The following BNIP5 variants were observed in gnomAD, a reference collection of about 807,000 sequenced individuals.
The protein encoded by BNIP5 is BCL2 interacting protein 5.
A neutral mutation model predicts 67.3 loss-of-function variants in BNIP5; 61 were observed. That is an observed-to-expected ratio of 0.91 (90% confidence interval 0.74 to 1.12). The LOEUF (loss-of-function observed/expected upper bound fraction) is 1.12, where lower values mean the gene tolerates loss of function less well. Ranked by LOEUF, BNIP5 falls within the 50% of genes most tolerant of loss-of-function variation. BNIP5 has a pLI of 0.00. For synonymous variants in BNIP5, 317 were observed against 319.0 expected, an observed-to-expected ratio of 0.99 and a Z score of 0.07; for missense variants, 826 against 816.3, an observed-to-expected ratio of 1.01 and a Z score of -0.14.
In BNIP5 at chr6:36,324,171, G is replaced by A; in HGVS notation, c.1188C>T (p.Ile396=). 6.2e-7 allele frequency: 1 copy of A among 1,613,854 alleles called. No homozygotes were observed. The highest frequency in any genetic ancestry group is 8.5e-7 in the Non-Finnish European group (1 of 1,179,794). ...ASEYKEFIQK[I]ISMLQDAEEQ... The stretch of plus-strand genomic sequence containing the variant: ...CTTCTGCATCTTGGAGCATGGAAAT[G>A]ATCTTCTGAATGAATTCTTCTGAAA... The change falls in exon 7 of 12, where the codon ATC becomes ATT. Residue 396 remains isoleucine, a synonymous_variant. Transcript: ENST00000437635.
Position 36,330,615 on chromosome 6 carries a change from C to T in BNIP5, c.76G>A (p.Gly26Arg), listed in dbSNP as rs367828118. 100 of 1,609,842 alleles carry T rather than the reference C, an allele frequency of 6.2e-5. No individual in the cohort carries two copies. Among genetic ancestry groups the T allele is most frequent in the South Asian group, 6.0e-4 (55 of 91,078 alleles). Reference protein sequence around the residue: ...ARSLDRPQAPGKGSESWDCHW... With the variant: ...ARSLDRPQAPRKGSESWDCHW... ...CAGTCCCACGACTCCGAGCCTTTCC[C>T]GGGGGCCTGCGGCCTGTCCAGAGAC... is the stretch of plus-strand genomic sequence containing the variant. The change falls in exon 2 of 12, where the codon GGG becomes AGG. Residue 26 changes from glycine (G) to arginine (R), a missense_variant. By Grantham distance (125) the Gly-to-Arg change is moderately radical. Coordinates refer to ENST00000437635, the MANE Select transcript of BNIP5 (RefSeq NM_001010903.5).
chr6:36,319,646 C>G (rs776711424), intron 10 of BNIP5, 36 bp from the exon 11 acceptor site: 21 of 1,588,488 alleles, frequency 1.3e-5, no homozygotes, highest in Non-Finnish European at 1.8e-5. Flanking sequence ...ATTAGTGTTG[C>G]TGGCAGTACC....
At position 36,319,520 on chromosome 6, in the gene BNIP5, C is replaced by A; in HGVS notation, c.1759G>T (p.Ala587Ser). ...TTCCTGTCCAGCTTAGAGGAGTGAG[C>A]CACCTGGCTGCGCAGGGTGGCTACC... ...KLVATLRSQV[A>S]HSSKLDRNRA... Residue 587 changes from alanine (A) to serine (S), a missense_variant, in exon 11 of 12, where the codon GCT becomes TCT. Ala to Ser is a moderately conservative substitution (Grantham distance 99). Coordinates refer to ENST00000437635, the MANE Select transcript of BNIP5 (RefSeq NM_001010903.5). 6.2e-7 allele frequency: 1 copy of A among 1,614,144 alleles called. No individual in the cohort carries two copies. The highest frequency in any genetic ancestry group is 8.5e-7 in the Non-Finnish European group (1 of 1,180,012).
intron 1 of BNIP5, among the ~76,000 whole-genome samples, chr6:36,335,715 G>A (rs1455416725): frequency 6.6e-6 from 1 of 152,192 alleles, no homozygotes; most frequent in Non-Finnish European, 1.5e-5. Flanking sequence ...ATCTTTGCCA[G>A]GAGCAGTGAA....
rs12111412 is a variant in BNIP5 at position 36,332,702 on chromosome 6, A to C, written c.-4-2008T>G. 3.4e-4 allele frequency among the ~76,000 whole-genome samples: 46 copies of C among 135,224 alleles called. No individual in the cohort carries two copies. The South Asian group carries it at 0.012, about 36-fold the overall frequency. The allele number at this position is 135,224 out of a possible 152,430, so 88.7% of individuals were successfully genotyped here. On this transcript the variant is annotated intron_variant, in intron 1 of 11. Coordinates refer to ENST00000437635, the MANE Select transcript of BNIP5 (RefSeq NM_001010903.5). ...GAAGCAGCGGCCAATGAAAAATGACAAAAAAAAAACCTTTCCCACCTGGGC... is the reference window on the plus strand; with the variant it reads ...GAAGCAGCGGCCAATGAAAAATGACCAAAAAAAAACCTTTCCCACCTGGGC...
rs1483522599 is a variant in BNIP5 at position 36,330,654 on chromosome 6, C to T, written c.37G>A (p.Glu13Lys). ...CTGTCCAGAGACCTGGCTTTCTTCT[C>T]CGCCAGGGGCCTCCTTGGGCACCTT... ...NPRCPRRPLAEKKARSLDRPQ... is the reference protein window; with the variant it reads ...NPRCPRRPLAKKKARSLDRPQ... Residue 13 changes from glutamate to lysine, a missense_variant, in exon 2 of 12, where the codon GAG becomes AAG. By Grantham distance (56) the Glu-to-Lys change is moderately conservative (BLOSUM62 1). Transcript: ENST00000437635. 1.3e-6 allele frequency: 2 copies of T among 1,597,252 alleles called. No homozygotes were observed. The highest frequency in any genetic ancestry group is 1.7e-5 in the Admixed American group (1 of 58,834).
chr6:36,316,386 AC>A lies in BNIP5; in HGVS notation c.*969del, dbSNP rs1353963590. ...CTATACAGAAGGCAGAGCCTCTGGC[AC>A]CCCCACACTTCACCTTTGTGCAAAT... On this transcript the variant is annotated 3_prime_UTR_variant, in exon 12 of 12. Coordinates refer to ENST00000437635, the MANE Select transcript of BNIP5 (RefSeq NM_001010903.5). 1 of 397,506 alleles carries A rather than the reference AC, an allele frequency of 2.5e-6. No individual in the cohort carries two copies. Among genetic ancestry groups the A allele is most frequent in the Non-Finnish European group, 4.4e-6 (1 of 225,980 alleles). 24.6% of individuals were successfully genotyped at this position (397,506 alleles called of 1,614,324 possible).
Position 36,327,102 on chromosome 6 carries a change from A to G in BNIP5, c.728-8T>C. The G allele has an allele frequency of 6.2e-7, 1 of 1,612,112 alleles. No individual in the cohort carries two copies. The highest frequency in any genetic ancestry group is 1.3e-5 in the African/African-American group (1 of 75,016). On this transcript the variant is annotated splice_region_variant and splice_polypyrimidine_tract_variant and intron_variant, in intron 3 of 11. Coordinates refer to ENST00000437635, the MANE Select transcript of BNIP5 (RefSeq NM_001010903.5). ...TCTGAATGATAGCATCCTCTGGAAG[A>G]AAGCAAATGCATCCGGTTATTCTTT... is the stretch of plus-strand genomic sequence containing the variant.
chr6:36,323,310 G>T lies in BNIP5; in HGVS notation c.1454C>A (p.Ser485Tyr). 3 of 1,614,244 alleles carry T rather than the reference G, an allele frequency of 1.9e-6. No individual in the cohort carries two copies. Among genetic ancestry groups the T allele is most frequent in the Non-Finnish European group, 2.5e-6 (3 of 1,180,052 alleles). ...CTGCTCACCAAGGCTGCTGGAGGTG[G>T]AGGGCCGATGGCCACCAACACACAG... is the stretch of plus-strand genomic sequence containing the variant. ...LPLCVGGHRP[S>Y]TSSSLDPEDL... is the part of the protein sequence containing the mutation. Residue 485 changes from serine to tyrosine, a missense_variant, in exon 8 of 12, where the codon TCC (serine) becomes TAC (tyrosine). Coordinates refer to ENST00000437635, the MANE Select transcript of BNIP5 (RefSeq NM_001010903.5).
chr6:36,328,846 G>C (rs12192390), intron 2 of BNIP5, 132 bp from the exon 3 acceptor site: 1 of 660,486 alleles, frequency 1.5e-6, no homozygotes, highest in Non-Finnish European at 2.7e-6. Context: ...GCTGCAGCCC[G>C]CTCTAGGCTT....
At position 36,316,901 on chromosome 6, in the gene BNIP5, C is replaced by T; in HGVS notation, c.*455G>A. 2.5e-6 allele frequency: 1 copy of T among 404,262 alleles called. No homozygotes were observed. The highest frequency in any genetic ancestry group is 4.4e-6 in the Non-Finnish European group (1 of 229,536). The allele number at this position is 404,262 out of a possible 1,614,324, so 25.0% of individuals were successfully genotyped here. A position where few individuals can be genotyped will look rare whatever the true frequency, so the allele number is the denominator to read the frequency against. On this transcript the variant is annotated 3_prime_UTR_variant, in exon 12 of 12. Transcript: ENST00000437635. ...TCAACTGAAGAAATGATGGGATACA[C>T]TTCGATGCATATCTGTTTGGATGCA...
intron 5 of BNIP5, 142 bp from the exon 6 acceptor site, chr6:36,325,556 G>T: frequency 9.7e-7 from 1 of 1,029,098 alleles, no homozygotes. Flanking sequence ...CTGCTGGGCA[G>T]GGCTGTGCCT....
At chr6:36,332,531 A>G (rs942160138) in intron 1 of BNIP5, among the ~76,000 whole-genome samples, 2 of 152,222 alleles carry the variant, frequency 1.3e-5, no homozygotes, top group African/African-American at 4.8e-5. Flanking sequence ...ATAAGCACTT[A>G]TTAAACAAAT....
intron 2 of BNIP5, among the ~76,000 whole-genome samples, chr6:36,329,696 C>T (rs1771840506): frequency 6.6e-6 from 1 of 152,080 alleles, no homozygotes; most frequent in African/African-American, 2.4e-5. Context: ...CCTGTAGTCC[C>T]AGCTACTCGG....
Position 36,326,640 on chromosome 6 carries a change from CTTG to C in BNIP5, c.903_905del (p.Lys303del). 6.2e-7 allele frequency: 1 copy of C among 1,614,228 alleles called. No individual in the cohort carries two copies. The highest frequency in any genetic ancestry group is 8.5e-7 in the Non-Finnish European group (1 of 1,180,042). ...TCTTGGCCTCCTCGGAGCCGTGTTT[CTTG>C]GGGTTTGTCTTTGAGGTTCTCTTGA... On this transcript the variant is annotated inframe_deletion, in exon 5 of 12. Coordinates refer to ENST00000437635, the MANE Select transcript of BNIP5 (RefSeq NM_001010903.5).
intron 7 of BNIP5, 142 bp from the exon 8 acceptor site, chr6:36,323,675 T>A: frequency 1.1e-6 from 1 of 944,448 alleles, no homozygotes; most frequent in Non-Finnish European, 1.6e-6. Flanking sequence ...GAAATATGTG[T>A]GGTCTGGAGG....
At chr6:36,318,234 T>C (rs1771560569) in intron 11 of BNIP5, among the ~76,000 whole-genome samples, 1 of 152,196 alleles carries the variant, frequency 6.6e-6, no homozygotes, top group Admixed American at 6.5e-5. Flanking sequence ...GAAGTTCCGG[T>C]CCTGTTTGTC....
chr6:36,330,624 G>C lies in BNIP5; in HGVS notation c.67C>G (p.Gln23Glu), dbSNP rs750017439. The stretch of plus-strand genomic sequence containing the variant: ...GACTCCGAGCCTTTCCCGGGGGCCT[G>C]CGGCCTGTCCAGAGACCTGGCTTTC... ...EKKARSLDRP[Q>E]APGKGSESWD... is the part of the protein sequence containing the mutation. The change falls in exon 2 of 12, where the codon CAG (glutamine) becomes GAG (glutamate). Residue 23 changes from glutamine (Q) to glutamate (E), a missense_variant. Transcript: ENST00000437635. 2 of 1,608,858 alleles carry C rather than the reference G, an allele frequency of 1.2e-6. No homozygotes were observed. Among genetic ancestry groups the C allele is most frequent in the Non-Finnish European group, 1.7e-6 (2 of 1,179,974 alleles).
intron 3 of BNIP5, among the ~76,000 whole-genome samples, chr6:36,328,363 T>C (rs528119672): frequency 8.5e-5 from 13 of 152,348 alleles, no homozygotes; most frequent in Middle Eastern, 3.4e-3. Context: ...TCCGTTTTCA[T>C]TAACACATAA....
Sources: allele counts gnomAD v4.1 joint callset (sites outside exome capture counted in the v4.1 genomes callset), GRCh38; gene constraint gnomAD v4.1.1; transcripts MANE v1.5; gene names NCBI Gene and HGNC (gene_info 2026-07-23, HGNC 2026-07-21).